The following KAZN variants were observed in gnomAD, a reference collection of about 807,000 sequenced individuals.
KAZN encodes the protein kazrin, periplakin interacting protein.
KAZN carries 40 observed loss-of-function variants against 87.4 expected under a neutral mutation model. The ratio of observed to expected loss-of-function variants is 0.46; its 90% CI spans 0.36 to 0.60. The LOEUF (loss-of-function observed/expected upper bound fraction) is 0.60. Among genes scored for constraint, KAZN ranks in the 20% least tolerant of loss-of-function variants. The pLI is 0.00. For synonymous variants in KAZN, 466 were observed against 458.3 expected (o/e 1.02, Z -0.22); for missense variants, 898 against 1,073.9 (o/e 0.84, Z 2.29).
At chr1:14,003,624 G>C (rs1380170163) in intron 1 of KAZN, among the ~76,000 whole-genome samples, 1 of 152,102 alleles carries the variant, frequency 6.6e-6, no homozygotes, top group Non-Finnish European at 1.5e-5. Context: ...GCAGTGTGGT[G>C]GTGAAATTAT....
intron 1 of KAZN, among the ~76,000 whole-genome samples, chr1:14,803,439 G>C (rs375050220): frequency 6.6e-6 from 1 of 152,332 alleles, no homozygotes; most frequent in East Asian, 1.9e-4. Context: ...AAAAGGACCA[G>C]GGAGTGAGAT....
chr1:14,157,023 G>A (rs772239799), intron 1 of KAZN, among the ~76,000 whole-genome samples: 21 of 150,322 alleles, frequency 1.4e-4, no homozygotes, highest in Non-Finnish European at 2.5e-4. Flanking sequence ...TTTGATTTGA[G>A]GTTACCATGA....
chr1:14,000,523 A>G (rs903009878), intron 1 of KAZN, among the ~76,000 whole-genome samples: 1 of 152,190 alleles, frequency 6.6e-6, no homozygotes, highest in African/African-American at 2.4e-5. Context: ...AAAACTCTCA[A>G]TAAACTAGGC....
intron 1 of KAZN, among the ~76,000 whole-genome samples, chr1:14,899,289 C>T (rs1053635303): frequency 3.3e-4 from 50 of 152,214 alleles, no homozygotes; most frequent in African/African-American, 1.2e-3. Flanking sequence ...CACCCAGTGA[C>T]GTGTCCCCTC....
chr1:14,179,167 CCTTTGCAGAT>C (rs1025360914), intron 1 of KAZN, among the ~76,000 whole-genome samples: 67 of 152,282 alleles, frequency 4.4e-4, no homozygotes, highest in African/African-American at 1.6e-3. Context: ...AAAGGCAACC[CCTTTGCAGAT>C]CTTTGGAGAT....
At chr1:14,726,909 T>C (rs773064032) in intron 1 of KAZN, among the ~76,000 whole-genome samples, 10 of 152,158 alleles carry the variant, frequency 6.6e-5, no homozygotes, top group African/African-American at 1.4e-4. Flanking sequence ...AAGACAGCCC[T>C]GTTAGGTACA....
intron 13 of KAZN, among the ~76,000 whole-genome samples, chr1:15,107,529 C>T (rs1433873941): frequency 2.0e-5 from 3 of 152,190 alleles, no homozygotes; most frequent in Non-Finnish European, 4.4e-5. Context: ...TACTTAACCT[C>T]TCTGAACTGT....
chr1:14,970,666 C>T (rs1400328639), intron 2 of KAZN, among the ~76,000 whole-genome samples: 1 of 152,182 alleles, frequency 6.6e-6, no homozygotes, highest in Non-Finnish European at 1.5e-5. Flanking sequence ...TGTGCCCTTT[C>T]CGGCGTCTGC....
chr1:14,159,395 G>A (rs529730115), intron 1 of KAZN, among the ~76,000 whole-genome samples: 9 of 152,268 alleles, frequency 5.9e-5, no homozygotes, highest in African/African-American at 1.4e-4. Context: ...CATCACCACA[G>A]GTCCATGCAT....
intron 1 of KAZN, among the ~76,000 whole-genome samples, chr1:14,061,640 C>T (rs1420991480): frequency 1.3e-5 from 2 of 152,196 alleles, no homozygotes; most frequent in African/African-American, 4.8e-5. Flanking sequence ...TGTCCATCTT[C>T]CCCAACGGCA....
At chr1:14,786,812 C>T (rs184352988) in intron 1 of KAZN, among the ~76,000 whole-genome samples, 14 of 152,346 alleles carry the variant, frequency 9.2e-5, no homozygotes, top group Non-Finnish European at 4.4e-5. Flanking sequence ...GTGGTGCTGA[C>T]ATCTCATATT....
intron 1 of KAZN, among the ~76,000 whole-genome samples, chr1:14,104,477 T>C (rs986105569): frequency 1.3e-5 from 2 of 152,208 alleles, no homozygotes; most frequent in Admixed American, 6.5e-5. Flanking sequence ...CCCTTGCTCC[T>C]GTGGTAGAAC....
intron 1 of KAZN, among the ~76,000 whole-genome samples, chr1:14,161,576 A>T (rs2101826745): frequency 6.6e-6 from 1 of 152,340 alleles, no homozygotes; most frequent in East Asian, 1.9e-4. Flanking sequence ...AGGGTCTTTT[A>T]TGGCCTATCC....
chr1:14,146,772 A>C (rs1016015668), intron 1 of KAZN, among the ~76,000 whole-genome samples: 2 of 150,532 alleles, frequency 1.3e-5, no homozygotes, highest in Admixed American at 1.3e-4. Flanking sequence ...TTTTCTGGTA[A>C]CCTTTCATTT....
intron 1 of KAZN, among the ~76,000 whole-genome samples, chr1:14,710,625 A>G (rs535933315): frequency 9.7e-4 from 147 of 152,228 alleles, no homozygotes; most frequent in African/African-American, 3.3e-3. Context: ...ACCCCCCGGT[A>G]CCAGCATGGA....
At chr1:15,060,423 G>A (rs547502123) in intron 6 of KAZN, 121 bp downstream of exon 6, 29 of 1,286,614 alleles carry the variant, frequency 2.3e-5, no homozygotes, top group African/African-American at 1.5e-4. Flanking sequence ...GCACTCTGGC[G>A]AATGCATTTC....
chr1:14,140,884 A>T (rs10928033), intron 1 of KAZN, among the ~76,000 whole-genome samples: 84,672 of 151,802 alleles, frequency 0.56, 25,040 homozygotes, highest in East Asian at 0.72. Context: ...TCCTGTCTAA[A>T]CCTTGGCAGG....
At chr1:14,041,735 G>A (rs1449786208) in intron 1 of KAZN, among the ~76,000 whole-genome samples, 1 of 152,136 alleles carries the variant, frequency 6.6e-6, no homozygotes, top group African/African-American at 2.4e-5. Flanking sequence ...ACTTCCCCAT[G>A]TTAGTGGACC....
At chr1:14,260,489 C>A (rs1400109432) in intron 2 of KAZN, among the ~76,000 whole-genome samples, 1 of 152,026 alleles carries the variant, frequency 6.6e-6, no homozygotes, top group African/African-American at 2.4e-5. Flanking sequence ...GCAGGGTGAG[C>A]CCATGGGGAC....
Sources: gnomAD v4.1 joint callset for allele counts (sites outside exome capture counted in the v4.1 genomes callset) on GRCh38, gnomAD v4.1.1 for gene constraint, MANE v1.5 for transcripts, NCBI Gene and HGNC (gene_info 2026-07-23, HGNC 2026-07-21) for gene names.